Variants in CFAP54 observed in about 807,000 individuals in gnomAD.
CFAP54 encodes cilia and flagella associated protein 54.
In CFAP54, 290 loss-of-function variants were observed where a neutral mutation model predicts 370.4. The observed-to-expected ratio is 0.78, with a 90% CI of 0.71 to 0.86. The LOEUF (loss-of-function observed/expected upper bound fraction) is 0.86, where lower values mean the gene tolerates loss of function less well. Ranked by LOEUF, CFAP54 falls within the 40% of genes least tolerant of loss-of-function variation. CFAP54 has a pLI of 0.00. For synonymous variants in CFAP54, 1,206 were observed against 1,236.5 expected, an observed-to-expected ratio of 0.98 and a Z score of 0.52; for missense variants, 3,399 against 3,528.7, an observed-to-expected ratio of 0.96 and a Z score of 0.93.
intron 63 of CFAP54, among the ~76,000 whole-genome samples, chr12:96,793,200 C>T (rs1231519292): frequency 6.6e-6 from 1 of 152,104 alleles, no homozygotes; most frequent in African/African-American, 2.4e-5. Flanking sequence ...CCACCCTCTC[C>T]CCCGAGCCCC....
At chr12:96,526,885 GTT>G (rs34080505) in intron 8 of CFAP54, among the ~76,000 whole-genome samples, 3 of 97,678 alleles carry the variant, frequency 3.1e-5, no homozygotes, top group South Asian at 4.0e-4. Context: ...CTTATAACAG[GTT>G]TTTTTTTTTT....
In CFAP54 at chr12:96,500,898, G is replaced by A. The variant is rs776900119; in HGVS notation, c.382G>A (p.Glu128Lys). 7.8e-6 allele frequency: 12 copies of A among 1,535,454 alleles called. No individual in the cohort carries two copies. The highest frequency in any genetic ancestry group is 4.9e-5 in the East Asian group (2 of 40,896). The change falls in exon 2 of 68, where the codon GAA (glutamate) becomes AAA (lysine). Residue 128 changes from glutamate (E) to lysine (K), a missense_variant. Physicochemically the swap from Glu to Lys is moderately conservative, Grantham distance 56 (BLOSUM62 1). Coordinates refer to ENST00000524981, the MANE Select transcript of CFAP54 (RefSeq NM_001306084.2). ...APRLPADYYN[E>K]KLLKVGDSLC... ...CAGGCTGCCAGCAGACTATTACAACGAAAAGCTTCTGAAGGTTGGAGATAG... is the reference window on the plus strand; with the variant it reads ...CAGGCTGCCAGCAGACTATTACAACAAAAAGCTTCTGAAGGTTGGAGATAG...
chr12:96,788,944 C>G (rs1163969594), intron 62 of CFAP54, among the ~76,000 whole-genome samples: 1 of 152,046 alleles, frequency 6.6e-6, no homozygotes, highest in Non-Finnish European at 1.5e-5. Context: ...TGCCCAGATT[C>G]TAAATCATTC....
intron 26 of CFAP54, among the ~76,000 whole-genome samples, chr12:96,604,898 T>C (rs1268744695): frequency 6.6e-6 from 1 of 152,198 alleles, no homozygotes; most frequent in Non-Finnish European, 1.5e-5. Flanking sequence ...TTCCCTTTTC[T>C]AGGAAAGGTA....
chr12:96,736,241 G>T (rs1476281345), intron 50 of CFAP54, among the ~76,000 whole-genome samples: 1 of 152,144 alleles, frequency 6.6e-6, no homozygotes, highest in Non-Finnish European at 1.5e-5. Context: ...AGCATTATGT[G>T]TTAGCTTTAT....
chr12:96,772,130 C>T (rs780417995), intron 60 of CFAP54, among the ~76,000 whole-genome samples: 10 of 152,042 alleles, frequency 6.6e-5, no homozygotes, highest in Non-Finnish European at 1.3e-4. Flanking sequence ...AGAATCAAAA[C>T]TCAAAAGATA....
intron 65 of CFAP54, among the ~76,000 whole-genome samples, chr12:96,821,127 T>C (rs956904578): frequency 6.6e-6 from 1 of 152,132 alleles, no homozygotes; most frequent in African/African-American, 2.4e-5. Context: ...CATAATGATC[T>C]TTTCATTCAA....
rs1262570721 is a variant in CFAP54 at position 96,522,144 on chromosome 12, T to C, written c.1113T>C (p.Ala371=). 3.9e-6 allele frequency: 6 copies of C among 1,535,498 alleles called. No individual in the cohort carries two copies. In the African/African-American group the frequency reaches 4.1e-5, roughly 11 times the overall value. ...TTGAATCTAGAAGAAAAAACAAAGCTGTCTTTAGACCTAAGATAAGAATTA... is the reference window on the plus strand; with the variant it reads ...TTGAATCTAGAAGAAAAAACAAAGCCGTCTTTAGACCTAAGATAAGAATTA... ...GVFESRRKNK[A]VFRPKIRINL... Residue 371 remains alanine (A), a synonymous_variant, in exon 8 of 68, where the codon GCT becomes GCC. Coordinates refer to ENST00000524981, the MANE Select transcript of CFAP54 (RefSeq NM_001306084.2).
intron 44 of CFAP54, among the ~76,000 whole-genome samples, chr12:96,692,842 A>G (rs929514739): frequency 4.6e-5 from 7 of 152,192 alleles, no homozygotes; most frequent in Admixed American, 4.6e-4. Context: ...GCTATGGGAA[A>G]TAGTTTGCTA....
intron 19 of CFAP54, among the ~76,000 whole-genome samples, chr12:96,573,825 GAAACATGGTTACC>G (rs1955949346): frequency 6.6e-6 from 1 of 152,152 alleles, no homozygotes; most frequent in African/African-American, 2.4e-5. Context: ...GCAGGCTCTA[GAAACATGGTTACC>G]ATGTAACACT....
intron 50 of CFAP54, among the ~76,000 whole-genome samples, chr12:96,726,616 C>T (rs1380242590): frequency 2.7e-5 from 4 of 150,060 alleles, no homozygotes; most frequent in Middle Eastern, 3.4e-3. Context: ...TTGATCCTTT[C>T]AAAAAACCAG....
chr12:96,639,866 A>G (rs987966863), intron 32 of CFAP54, among the ~76,000 whole-genome samples: 1 of 152,226 alleles, frequency 6.6e-6, no homozygotes, highest in Non-Finnish European at 1.5e-5. Context: ...AAGGCCTTTG[A>G]CAAAATTGAA....
intron 65 of CFAP54, among the ~76,000 whole-genome samples, chr12:96,823,720 A>G (rs1959057591): frequency 6.6e-6 from 1 of 152,026 alleles, no homozygotes; most frequent in South Asian, 2.1e-4. Flanking sequence ...GGCCTATAGG[A>G]GGAATTTGAT....
At chr12:96,602,788 T>G (rs928428558) in intron 26 of CFAP54, among the ~76,000 whole-genome samples, 1 of 152,188 alleles carries the variant, frequency 6.6e-6, no homozygotes. Flanking sequence ...CCCCTGCTTT[T>G]TTTTGCTTTC....
chr12:96,644,470 T>G, intron 33 of CFAP54, 62 bp downstream of exon 33: 1 of 1,173,640 alleles, frequency 8.5e-7, no homozygotes, highest in Non-Finnish European at 1.2e-6. Flanking sequence ...TGTATTTGTA[T>G]GTTCAGAGCT....
chr12:96,552,807 C>T (rs1361226801), intron 15 of CFAP54, among the ~76,000 whole-genome samples: 4 of 152,134 alleles, frequency 2.6e-5, no homozygotes, highest in African/African-American at 7.2e-5. Flanking sequence ...TAGTTACCTT[C>T]GCATTATAGG....
chr12:96,646,483 CTT>C (rs1956793096), intron 33 of CFAP54: 2 of 152,168 alleles, frequency 1.3e-5, no homozygotes, highest in Admixed American at 1.3e-4. Context: ...AATAGGAACA[CTT>C]TTACACGGTT....
intron 14 of CFAP54, among the ~76,000 whole-genome samples, chr12:96,545,064 A>T (rs1023364224): frequency 6.6e-6 from 1 of 152,098 alleles, no homozygotes; most frequent in Non-Finnish European, 1.5e-5. Context: ...GGCATGAGCC[A>T]CCACACCCAG....
At chr12:96,638,952 G>C (rs903880796) in intron 32 of CFAP54, among the ~76,000 whole-genome samples, 2 of 152,120 alleles carry the variant, frequency 1.3e-5, no homozygotes, top group Admixed American at 1.3e-4. Context: ...TGTGATCTTG[G>C]TTATTTCTTG....
Sources: gnomAD v4.1 joint callset for allele counts (sites outside exome capture counted in the v4.1 genomes callset) on GRCh38, gnomAD v4.1.1 for gene constraint, MANE v1.5 for transcripts, NCBI Gene and HGNC (gene_info 2026-07-23, HGNC 2026-07-21) for gene names.